The following DENND1B variants were observed in gnomAD, a reference collection of about 807,000 sequenced individuals.
DENND1B encodes the protein DENN domain-containing protein 1B.
Under a neutral mutation model 90.1 loss-of-function variants are expected in DENND1B, and 59 were observed. The observed-to-expected ratio is 0.65, with a 90% CI of 0.53 to 0.81. The LOEUF (loss-of-function observed/expected upper bound fraction) is 0.81, where lower values mean the gene tolerates loss of function less well. Ranked by LOEUF, DENND1B falls within the 40% of genes least tolerant of loss-of-function variation. DENND1B has a pLI of 0.00. For missense variants in DENND1B, 862 were observed against 912.6 expected (o/e 0.94, Z 0.71); for synonymous variants, 337 against 324.6 (o/e 1.04, Z -0.41).
At chr1:197,713,809 T>A in intron 3 of DENND1B, among the ~76,000 whole-genome samples, 1 of 61,746 alleles carries the variant, frequency 1.6e-5, no homozygotes, top group Non-Finnish European at 2.7e-5. Context: ...TATTATAATA[T>A]ATTATATATA....
intron 10 of DENND1B, among the ~76,000 whole-genome samples, chr1:197,626,384 A>G (rs1424781749): frequency 6.6e-6 from 1 of 152,160 alleles, no homozygotes; most frequent in Non-Finnish European, 1.5e-5. Flanking sequence ...AAAACCACTC[A>G]ACTACATGGA....
At chr1:197,757,300 A>T (rs1654431206) in intron 2 of DENND1B, 1 of 152,118 alleles carries the variant, frequency 6.6e-6, no homozygotes, top group Admixed American at 6.6e-5. Flanking sequence ...CTGCCATCCT[A>T]CCTAGTAGCA....
chr1:197,741,079 A>C (rs1227105742), intron 2 of DENND1B, among the ~76,000 whole-genome samples: 2 of 152,154 alleles, frequency 1.3e-5, no homozygotes, highest in African/African-American at 4.8e-5. Flanking sequence ...AAAAAAGACT[A>C]TTTTCTGGAA....
At chr1:197,736,524 G>C (rs1446159677) in intron 2 of DENND1B, among the ~76,000 whole-genome samples, 1 of 152,152 alleles carries the variant, frequency 6.6e-6, no homozygotes, top group Non-Finnish European at 1.5e-5. Flanking sequence ...AATTTGTACA[G>C]ACAGGGTCTC....
In DENND1B at chr1:197,598,517, T is replaced by G. The variant is rs914406629; in HGVS notation, c.922-3184A>C. On this transcript the variant is annotated intron_variant, in intron 13 of 22. Transcript: ENST00000620048. ...TAGCAGTTTTTATCTATAAAAATGA[T>G]GGGGTCTGTCCTGTACTTTTTAATA... Among the ~76,000 whole-genome samples, 3 of 151,948 alleles carry G rather than the reference T, an allele frequency of 2.0e-5. No individual in the cohort carries two copies. In the South Asian group the frequency reaches 6.2e-4, roughly 31 times the overall value.
At chr1:197,717,826 A>G (rs960493352) in intron 2 of DENND1B, among the ~76,000 whole-genome samples, 2 of 152,018 alleles carry the variant, frequency 1.3e-5, no homozygotes, top group African/African-American at 2.4e-5. Flanking sequence ...CTACAAAAAG[A>G]GTATGCAGTA....
chr1:197,563,464 C>T (rs373977807), intron 15 of DENND1B, among the ~76,000 whole-genome samples: 39 of 152,086 alleles, frequency 2.6e-4, no homozygotes, highest in African/African-American at 8.9e-4. Context: ...GATGACAATA[C>T]ATCTGCTTAC....
intron 15 of DENND1B, among the ~76,000 whole-genome samples, chr1:197,571,503 T>A (rs1299583061): frequency 6.6e-6 from 1 of 152,238 alleles, no homozygotes; most frequent in Non-Finnish European, 1.5e-5. Flanking sequence ...GATTCCTTCT[T>A]TAGACGTAGC....
At position 197,554,813 on chromosome 1, in the gene DENND1B, GC is replaced by G. The variant is rs1287560520; in HGVS notation, c.1150-1702del. Among the ~76,000 whole-genome samples, 2 of 23,008 alleles carry G rather than the reference GC, an allele frequency of 8.7e-5. 1 individual carries two copies. Among genetic ancestry groups the G allele is most frequent in the Non-Finnish European group, 1.6e-4 (2 of 12,604 alleles). The allele number at this position is 23,008 out of a possible 152,430, so 15.1% of individuals were successfully genotyped here. A position where few individuals can be genotyped will look rare whatever the true frequency, so the allele number is the denominator to read the frequency against. On this transcript the variant is annotated intron_variant, in intron 15 of 22. Transcript: ENST00000620048. ...GCCAAGATTGCACCATTGCACTCCA[GC>G]CTGGCAAGACTCCATCTCAAAAAAA...
At position 197,630,260 on chromosome 1, in the gene DENND1B, G is replaced by C. The variant is rs374110070; in HGVS notation, c.672+12451C>G. 8.9e-4 allele frequency among the ~76,000 whole-genome samples: 135 copies of C among 152,110 alleles called. 1 individual carries two copies. The highest frequency in any genetic ancestry group is 3.0e-3 in the African/African-American group (123 of 41,498). On this transcript the variant is annotated intron_variant, in intron 10 of 22. Transcript: ENST00000620048. Reference sequence around the variant, plus strand: ...CAGAGTAGTTAACTAATTAATAATAGGAGTTTATTTCTCACCATTCTGGAG... The same window carrying C: ...CAGAGTAGTTAACTAATTAATAATACGAGTTTATTTCTCACCATTCTGGAG...
intron 14 of DENND1B, among the ~76,000 whole-genome samples, chr1:197,587,672 C>G (rs868798195): frequency 1.3e-5 from 2 of 152,054 alleles, no homozygotes; most frequent in Non-Finnish European, 2.9e-5. Flanking sequence ...GCACCAGACG[C>G]GGGTTTTGTG....
intron 15 of DENND1B, among the ~76,000 whole-genome samples, chr1:197,563,476 C>T (rs192939955): frequency 5.3e-5 from 8 of 151,920 alleles, no homozygotes; most frequent in African/African-American, 1.9e-4. Flanking sequence ...TCTGCTTACA[C>T]CATGTTTTAC....
At position 197,595,326 on chromosome 1, in the gene DENND1B, G is replaced by C. The variant is rs202173941; in HGVS notation, c.929C>G (p.Ala310Gly). The change falls in exon 14 of 23, where the codon GCC becomes GGC. Residue 310 changes from alanine (A) to glycine (G), a missense_variant. Physicochemically the swap from Ala to Gly is moderately conservative, Grantham distance 60. Transcript: ENST00000620048. Reference sequence around the variant, plus strand: ...CTGCTTCTTCAGTTTATTTTTCAAGGCCGAGACCTGCATGACAGAGAGGAA... The same window carrying C: ...CTGCTTCTTCAGTTTATTTTTCAAGCCCGAGACCTGCATGACAGAGAGGAA... ...LNNLPSDVVS[A>G]LKNKLKKQST... 1 of 1,612,320 alleles carries C rather than the reference G, an allele frequency of 6.2e-7. No homozygotes were observed. Among genetic ancestry groups the C allele is most frequent in the Admixed American group, 1.7e-5 (1 of 59,888 alleles).
chr1:197,685,644 G>A (rs1008624049), intron 3 of DENND1B: 1 of 151,918 alleles, frequency 6.6e-6, no homozygotes, highest in African/African-American at 2.4e-5. Context: ...CATTTTTTAA[G>A]GCTAGTCAAA....
At chr1:197,769,133 T>C (rs1302192098) in intron 2 of DENND1B, among the ~76,000 whole-genome samples, 1 of 152,210 alleles carries the variant, frequency 6.6e-6, no homozygotes, top group Non-Finnish European at 1.5e-5. Context: ...AATCTTAGTA[T>C]AAACCAAATT....
At chr1:197,538,952 C>A (rs1360444741) in intron 20 of DENND1B, among the ~76,000 whole-genome samples, 2 of 152,034 alleles carry the variant, frequency 1.3e-5, no homozygotes, top group East Asian at 3.9e-4. Context: ...GCAAGAAGGG[C>A]CTCATAAGGT....
chr1:197,556,412 C>T (rs1671722692), intron 15 of DENND1B, among the ~76,000 whole-genome samples: 1 of 151,928 alleles, frequency 6.6e-6, no homozygotes. Context: ...ATCCTTTTAT[C>T]ATCATCTAAT....
intron 3 of DENND1B, among the ~76,000 whole-genome samples, chr1:197,705,831 T>C (rs1435890633): frequency 6.6e-6 from 1 of 152,044 alleles, no homozygotes; most frequent in East Asian, 1.9e-4. Context: ...TCCCAAGTCA[T>C]GTCTTCACTG....
At chr1:197,610,474 A>C (rs1191945687) in intron 12 of DENND1B, among the ~76,000 whole-genome samples, 1 of 150,572 alleles carries the variant, frequency 6.6e-6, no homozygotes, top group Non-Finnish European at 1.5e-5. Flanking sequence ...AATTAACATC[A>C]ACAGGTAACC....
Sources: gnomAD v4.1 joint callset for allele counts (sites outside exome capture counted in the v4.1 genomes callset) on GRCh38, gnomAD v4.1.1 for gene constraint, MANE v1.5 for transcripts, NCBI Gene and HGNC (gene_info 2026-07-23, HGNC 2026-07-21) for gene names.